GLDC: variants seen among roughly 807,000 people sequenced by gnomAD.
GLDC encodes the protein glycine decarboxylase.
GLDC carries 104 observed loss-of-function variants against 121.3 expected under a neutral mutation model. The observed-to-expected ratio is 0.86, with a 90% CI of 0.73 to 1.01. The LOEUF (loss-of-function observed/expected upper bound fraction) is 1.01, where lower values mean the gene tolerates loss of function less well. Among genes scored for constraint, GLDC ranks in the 50% least tolerant of loss-of-function variants. The pLI is 0.00. For synonymous variants in GLDC, 546 were observed against 480.6 expected (o/e 1.14, Z -1.78); for missense variants, 1,429 against 1,306.6 (o/e 1.09, Z -1.44).
chr9:6,587,331 A>G, intron 14 of GLDC, 48 bp from the exon 15 acceptor site: 1 of 1,315,524 alleles, frequency 7.6e-7, no homozygotes, highest in South Asian at 1.2e-5. Flanking sequence ...TATAATAGCA[A>G]TAGCAATAAT....
intron 2 of GLDC, 33 bp downstream of exon 2, chr9:6,644,581 T>C (rs199946322): frequency 4.9e-6 from 7 of 1,430,964 alleles, no homozygotes; most frequent in African/African-American, 1.4e-5. Flanking sequence ...GCCAGAATAA[T>C]CTAAGTCCAA....
intron 20 of GLDC, among the ~76,000 whole-genome samples, chr9:6,551,693 T>C (rs1325087795): frequency 6.6e-6 from 1 of 151,992 alleles, no homozygotes; most frequent in Non-Finnish European, 1.5e-5. Context: ...GCTAGAAACT[T>C]AGAAATAAGT....
At chr9:6,544,945 C>A (rs1351305121) in intron 21 of GLDC, among the ~76,000 whole-genome samples, 1 of 151,888 alleles carries the variant, frequency 6.6e-6, no homozygotes, top group Non-Finnish European at 1.5e-5. Context: ...ACTAAAAATA[C>A]AAAGTTAGCC....
Position 6,540,220 on chromosome 9 carries a change from T to C in GLDC, c.2570-74A>G, listed in dbSNP as rs112741341. 412 of 967,366 alleles carry C rather than the reference T, an allele frequency of 4.3e-4. 1 individual carries two copies. In the African/African-American group the frequency reaches 5.7e-3, roughly 13 times the overall value. The allele number at this position is 967,366 out of a possible 1,614,324, so 59.9% of individuals were successfully genotyped here. A position where few individuals can be genotyped will look rare whatever the true frequency, so the allele number is the denominator to read the frequency against. ...TTACCCAAACAAATGAATAAGTAAT[T>C]TAATAAATAAGTGCATCAGCTTTTT... On this transcript the variant is annotated intron_variant, in intron 21 of 24. Coordinates refer to ENST00000321612, the MANE Select transcript of GLDC (RefSeq NM_000170.3).
intron 15 of GLDC, chr9:6,569,160 T>G (rs1454214617): frequency 6.6e-6 from 1 of 151,576 alleles, no homozygotes; most frequent in Non-Finnish European, 1.5e-5. Context: ...TCAGGAGCAA[T>G]ACTCAATGTA....
Position 6,602,202 on chromosome 9 carries a change from A to G in GLDC, c.1062T>C (p.Asp354=), listed in dbSNP as rs2129885624. The change falls in exon 8 of 25, where the codon GAT becomes GAC. Residue 354 remains aspartate, a synonymous_variant. Coordinates refer to ENST00000321612, the MANE Select transcript of GLDC (RefSeq NM_000170.3). ...MPGRMVGVTR[D]ATGKEVYRLA... ...GACGATACACTTCTTTCCCAGTGGC[A>G]TCTCTACACCAAGAATAAGGCATCC... 2 of 1,598,166 alleles carry G rather than the reference A, an allele frequency of 1.3e-6. No individual in the cohort carries two copies. The highest frequency in any genetic ancestry group is 1.1e-5 in the South Asian group (1 of 90,734).
chr9:6,588,533 G>C (rs1320242091), intron 13 of GLDC, 85 bp downstream of exon 13: 2 of 1,440,392 alleles, frequency 1.4e-6, no homozygotes, highest in Admixed American at 1.7e-5. Flanking sequence ...CCACCCCTTT[G>C]TTGCTCTTGG....
chr9:6,558,555 G>A lies in GLDC; in HGVS notation c.2052+4C>T, dbSNP rs1265639786. 6.2e-7 allele frequency: 1 copy of A among 1,614,014 alleles called. No homozygotes were observed. Among genetic ancestry groups the A allele is most frequent in the East Asian group, 2.2e-5 (1 of 44,900 alleles). ...CTCCCATCTGCTAAGGAGAAGACAA[G>A]TACCATGGCCTTGAGGTGAACTGCA... On this transcript the variant is annotated splice_donor_region_variant and intron_variant, in intron 17 of 24. Coordinates refer to ENST00000321612, the MANE Select transcript of GLDC (RefSeq NM_000170.3).
At chr9:6,534,524 T>G (rs1817075784) in intron 24 of GLDC, among the ~76,000 whole-genome samples, 184 bp downstream of exon 24, 1 of 152,210 alleles carries the variant, frequency 6.6e-6, no homozygotes, top group African/African-American at 2.4e-5. Flanking sequence ...AGATCTGTGG[T>G]TGATACTGTG....
At chr9:6,596,547 C>A (rs1818497299) in intron 8 of GLDC, among the ~76,000 whole-genome samples, 1 of 152,028 alleles carries the variant, frequency 6.6e-6, no homozygotes, top group East Asian at 1.9e-4. Context: ...TAAAGACCAG[C>A]AAGAAGAACA....
chr9:6,551,716 G>A (rs1817518695), intron 20 of GLDC, among the ~76,000 whole-genome samples: 1 of 152,136 alleles, frequency 6.6e-6, no homozygotes, highest in African/African-American at 2.4e-5. Flanking sequence ...AATTCGGATA[G>A]GGAAAGAGAA....
chr9:6,628,136 G>C (rs773062820), intron 2 of GLDC, among the ~76,000 whole-genome samples: 2 of 152,198 alleles, frequency 1.3e-5, no homozygotes, highest in East Asian at 3.9e-4. Context: ...TCCTAACTAA[G>C]GACACAATTC....
intron 2 of GLDC, among the ~76,000 whole-genome samples, chr9:6,624,527 T>C (rs1457038450): frequency 3.3e-5 from 5 of 152,202 alleles, no homozygotes; most frequent in Admixed American, 6.5e-5. Context: ...TGCCAACATC[T>C]TGATTTCTGA....
intron 15 of GLDC, among the ~76,000 whole-genome samples, chr9:6,571,187 G>C (rs1817959928): frequency 6.6e-6 from 1 of 151,722 alleles, no homozygotes; most frequent in Non-Finnish European, 1.5e-5. Context: ...AAAAAAGAAA[G>C]AAACTGGCAC....
intron 2 of GLDC, among the ~76,000 whole-genome samples, chr9:6,635,106 C>T (rs539591341): frequency 1.3e-5 from 2 of 152,314 alleles, no homozygotes; most frequent in South Asian, 2.1e-4. Flanking sequence ...TAACTTCAGA[C>T]GAAGTCTCCA....
chr9:6,623,612 TA>T (rs1013956170), intron 2 of GLDC, among the ~76,000 whole-genome samples: 29 of 137,734 alleles, frequency 2.1e-4, no homozygotes, highest in Admixed American at 2.2e-4. Flanking sequence ...GAATGATCAA[TA>T]AAAAAAAAAA....
At chr9:6,561,132 G>C (rs575787187) in intron 16 of GLDC, among the ~76,000 whole-genome samples, 9 of 152,274 alleles carry the variant, frequency 5.9e-5, no homozygotes, top group African/African-American at 2.2e-4. Flanking sequence ...GCAACTATAA[G>C]AAAATTAATG....
At chr9:6,542,977 G>T (rs1312571968) in intron 21 of GLDC, among the ~76,000 whole-genome samples, 1 of 151,072 alleles carries the variant, frequency 6.6e-6, no homozygotes, top group Non-Finnish European at 1.5e-5. Flanking sequence ...ATAGTAAGTG[G>T]AATGTTCAAG....
At chr9:6,587,716 A>G (rs1818298137) in intron 14 of GLDC, among the ~76,000 whole-genome samples, 1 of 152,110 alleles carries the variant, frequency 6.6e-6, no homozygotes, top group Non-Finnish European at 1.5e-5. Flanking sequence ...ATAATTCCAG[A>G]ACTCTGGGAG....
Sources: allele counts gnomAD v4.1 joint callset (sites outside exome capture counted in the v4.1 genomes callset), GRCh38; gene constraint gnomAD v4.1.1; transcripts MANE v1.5; gene names NCBI Gene and HGNC (gene_info 2026-07-23, HGNC 2026-07-21).